The following ABRACL variants were observed in gnomAD, a reference collection of about 807,000 sequenced individuals.
ABRACL encodes costars family protein ABRACL.
A neutral mutation model predicts 7.0 loss-of-function variants in ABRACL; 4 were observed. The observed-to-expected ratio is 0.57, with a 90% confidence interval of 0.28 to 1.30. The LOEUF (loss-of-function observed/expected upper bound fraction) is 1.30, where lower values mean the gene tolerates loss of function less well. Among genes scored for constraint, ABRACL ranks in the 50% most tolerant of loss-of-function variants. The pLI is 0.10. For missense variants in ABRACL, 104 were observed against 97.3 expected, an observed-to-expected ratio of 1.07 and a Z score of -0.29; for synonymous variants, 30 against 36.0, an observed-to-expected ratio of 0.83 and a Z score of 0.60.
intron 2 of ABRACL, among the ~76,000 whole-genome samples, chr6:139,037,861 C>G (rs557100403): frequency 7.9e-5 from 12 of 151,074 alleles, no homozygotes; most frequent in African/African-American, 2.9e-4. Context: ...ACTGCAACCT[C>G]TGCCTCCTGG....
chr6:139,041,528 TA>T (rs1250492746), intron 2 of ABRACL, among the ~76,000 whole-genome samples: 4 of 59,120 alleles, frequency 6.8e-5, no homozygotes, highest in African/African-American at 8.7e-5. Context: ...TATATATATA[TA>T]TATTTTTTTT....
chr6:139,030,126 C>G (rs2114294645), intron 1 of ABRACL, among the ~76,000 whole-genome samples: 1 of 152,076 alleles, frequency 6.6e-6, no homozygotes, highest in East Asian at 1.9e-4. Context: ...TCCCTTTAGA[C>G]TTGCTCTGCT....
intron 2 of ABRACL, 151 bp downstream of exon 2, chr6:139,034,372 T>C (rs1410070840): frequency 1.9e-6 from 3 of 1,560,590 alleles, no homozygotes; most frequent in Non-Finnish European, 2.6e-6. Flanking sequence ...TAACTGCCCT[T>C]AGCCAGGAAT....
chr6:139,033,943 G>C (rs543982281), intron 1 of ABRACL, among the ~76,000 whole-genome samples: 1 of 152,180 alleles, frequency 6.6e-6, no homozygotes, highest in Admixed American at 6.5e-5. Flanking sequence ...GTGGAGAATA[G>C]GAGTGCAGGG....
rs1554211122 is a variant in ABRACL at position 139,041,451 on chromosome 6, CTATATA to C, written c.62-1254_62-1249del. On this transcript the variant is annotated intron_variant, in intron 2 of 2. Transcript: ENST00000367660. Reference sequence around the variant, plus strand: ...TCTCTCTCTCTCTCTCTCTCTCTCTCTATATATATATATATATATTTCTATATTTCT... The same window carrying C: ...TCTCTCTCTCTCTCTCTCTCTCTCTCTATATATATATATTTCTATATTTCT... Among the ~76,000 whole-genome samples, 23 of 110,030 alleles carry C rather than the reference CTATATA, an allele frequency of 2.1e-4. 1 individual carries two copies. Among genetic ancestry groups the C allele is most frequent in the East Asian group, 1.7e-3 (7 of 4,024 alleles). The allele number at this position is 110,030 out of a possible 152,430, so 72.2% of individuals were successfully genotyped here.
At chr6:139,035,458 T>G (rs903681410) in intron 2 of ABRACL, among the ~76,000 whole-genome samples, 2 of 151,770 alleles carry the variant, frequency 1.3e-5, no homozygotes, top group Non-Finnish European at 2.9e-5. Context: ...GTCCACACAT[T>G]GCATCATACT....
chr6:139,041,447 CTCTCTATATA>C (rs1786244364), intron 2 of ABRACL, among the ~76,000 whole-genome samples: 2 of 66,840 alleles, frequency 3.0e-5, no homozygotes, highest in Non-Finnish European at 3.4e-5. Context: ...CTCTCTCTCT[CTCTCTATATA>C]TATATATATA....
intron 2 of ABRACL, among the ~76,000 whole-genome samples, chr6:139,039,393 C>T (rs1280340956): frequency 1.3e-5 from 2 of 152,110 alleles, no homozygotes; most frequent in African/African-American, 4.8e-5. Context: ...CTGTAAAATA[C>T]ATCGAACAGT....
intron 1 of ABRACL, among the ~76,000 whole-genome samples, chr6:139,032,154 C>T (rs1247891370): frequency 2.0e-5 from 3 of 151,850 alleles, no homozygotes; most frequent in Non-Finnish European, 4.4e-5. Context: ...TTAGTAGAGA[C>T]GGGGTTTCAC....
rs140741219 is a variant in ABRACL at position 139,036,823 on chromosome 6, A to G, written c.61+2602A>G. Among the ~76,000 whole-genome samples, 3 of 152,158 alleles carry G rather than the reference A, an allele frequency of 2.0e-5. No individual in the cohort carries two copies. The East Asian group carries it at 5.8e-4, about 29-fold the overall frequency. Reference sequence around the variant, plus strand: ...ACAAAGTGGGATCCCATCTCTACAAAAAAATAAAAAATTAGCCAGGCATGG... The same window carrying G: ...ACAAAGTGGGATCCCATCTCTACAAGAAAATAAAAAATTAGCCAGGCATGG... On this transcript the variant is annotated intron_variant, in intron 2 of 2. Coordinates refer to ENST00000367660, the MANE Select transcript of ABRACL (RefSeq NM_021243.3).
At chr6:139,041,463 A>T (rs1459636675) in intron 2 of ABRACL, among the ~76,000 whole-genome samples, 2 of 137,380 alleles carry the variant, frequency 1.5e-5, no homozygotes, top group South Asian at 4.7e-4. Flanking sequence ...ATATATATAT[A>T]TATATATTTC....
At chr6:139,029,573 C>T (rs1786048093) in intron 1 of ABRACL, among the ~76,000 whole-genome samples, 2 of 152,268 alleles carry the variant, frequency 1.3e-5, no homozygotes, top group East Asian at 1.9e-4. Context: ...CCCCGCGCTC[C>T]CCAGCCCTGC....
chr6:139,042,641 A>G, intron 2 of ABRACL, 78 bp from the exon 3 acceptor site: 1 of 1,367,824 alleles, frequency 7.3e-7, no homozygotes, highest in Non-Finnish European at 1.0e-6. Context: ...TAAATTTATT[A>G]AAGATTTTGT....
chr6:139,037,478 C>G (rs1276592615), intron 2 of ABRACL, among the ~76,000 whole-genome samples: 1 of 152,110 alleles, frequency 6.6e-6, no homozygotes. Context: ...CCAGGCTGGT[C>G]TCGAACTTCT....
chr6:139,033,250 G>A (rs1249176278), intron 1 of ABRACL, among the ~76,000 whole-genome samples: 1 of 152,202 alleles, frequency 6.6e-6, no homozygotes, highest in Non-Finnish European at 1.5e-5. Context: ...ACAGTGTGCG[G>A]GACCCAGCTC....
intron 1 of ABRACL, among the ~76,000 whole-genome samples, chr6:139,029,237 A>T (rs1786040675): frequency 6.6e-6 from 1 of 151,868 alleles, no homozygotes. Context: ...CTGGGTGGGG[A>T]AGGGCTGGGG....
In ABRACL at chr6:139,034,153, A is replaced by G; in HGVS notation, c.-6-2A>G. 6.2e-7 allele frequency: 1 copy of G among 1,614,128 alleles called. No homozygotes were observed. Among genetic ancestry groups the G allele is most frequent in the Non-Finnish European group, 8.5e-7 (1 of 1,180,014 alleles). ...TTTAGACTTCCTTTTTTTCTCTCCCAGGCAGCAATGAATGTGGATCACGAG... is the reference window on the plus strand; with the variant it reads ...TTTAGACTTCCTTTTTTTCTCTCCCGGGCAGCAATGAATGTGGATCACGAG... On this transcript the variant is annotated splice_acceptor_variant, in intron 1 of 2. Transcript: ENST00000367660. LOFTEE classifies it low-confidence loss of function (5UTR_SPLICE).
chr6:139,042,820 C>A lies in ABRACL; in HGVS notation c.163C>A (p.Arg55=), dbSNP rs372618247. Residue 55 remains arginine (R), a synonymous_variant, in exon 3 of 3, where the codon CGA becomes AGA. Coordinates refer to ENST00000367660, the MANE Select transcript of ABRACL (RefSeq NM_021243.3). ...ALVGTLKAAK[R]RKIVTYPGEL... ...GGTAGGAACTCTTAAAGCTGCAAAA[C>A]GAAGGAAGATTGTAACATATCCAGG... is the stretch of plus-strand genomic sequence containing the variant. 1.9e-6 allele frequency: 3 copies of A among 1,613,932 alleles called. No individual in the cohort carries two copies. Among genetic ancestry groups the A allele is most frequent in the Non-Finnish European group, 2.5e-6 (3 of 1,179,944 alleles).
At chr6:139,037,074 T>C (rs1786170520) in intron 2 of ABRACL, among the ~76,000 whole-genome samples, 1 of 152,012 alleles carries the variant, frequency 6.6e-6, no homozygotes, top group Non-Finnish European at 1.5e-5. Context: ...ACATGCAATA[T>C]GGTCCCTTCA....
Sources: allele counts gnomAD v4.1 joint callset (sites outside exome capture counted in the v4.1 genomes callset), GRCh38; gene constraint gnomAD v4.1.1; transcripts MANE v1.5; gene names NCBI Gene and HGNC (gene_info 2026-07-23, HGNC 2026-07-21).